The following MRTFA variants were observed in gnomAD, a reference collection of about 807,000 sequenced individuals.
MRTFA encodes the protein myocardin related transcription factor A.
MRTFA carries 20 observed loss-of-function variants against 83.5 expected under a neutral mutation model. The ratio of observed to expected loss-of-function variants is 0.24; its 90% CI spans 0.17 to 0.35. MRTFA has a LOEUF of 0.35. Among genes scored for constraint, MRTFA ranks in the 10% least tolerant of loss-of-function variants. The pLI, the probability that MRTFA is intolerant of heterozygous loss-of-function variation, is 1.00. For synonymous variants in MRTFA, 659 were observed against 541.2 expected, an observed-to-expected ratio of 1.22 and a Z score of -3.02; for missense variants, 1,200 against 1,224.7, an observed-to-expected ratio of 0.98 and a Z score of 0.30.
At chr22:40,478,617 A>G (rs1327229210) in intron 3 of MRTFA, among the ~76,000 whole-genome samples, 15 of 152,110 alleles carry the variant, frequency 9.9e-5, no homozygotes, top group Admixed American at 4.6e-4. Flanking sequence ...TCCATGTCCT[A>G]AATTTTCTTG....
At chr22:40,555,727 C>G (rs961044448) in intron 2 of MRTFA, among the ~76,000 whole-genome samples, 2 of 151,736 alleles carry the variant, frequency 1.3e-5, no homozygotes, top group Admixed American at 6.6e-5. Flanking sequence ...AGCTCCACCT[C>G]CTGCATTCAC....
chr22:40,628,899 G>A (rs1220772081), intron 1 of MRTFA, among the ~76,000 whole-genome samples: 1 of 152,116 alleles, frequency 6.6e-6, no homozygotes, highest in African/African-American at 2.4e-5. Context: ...TCCACCCAAT[G>A]CACCCTGACA....
chr22:40,581,691 CTA>C (rs1454869015), intron 2 of MRTFA, among the ~76,000 whole-genome samples: 52 of 152,150 alleles, frequency 3.4e-4, no homozygotes, highest in African/African-American at 1.2e-3. Flanking sequence ...GAGTCAGACA[CTA>C]TGGAATTTTA....
rs2052497986 is a variant in MRTFA at position 40,410,782 on chromosome 22, C to G, written c.*608G>C. ...GTTGCACCCATCTCCTGTCCGCCCC[C>G]CCCCAAAAATATATATGTATGTCGA... On this transcript the variant is annotated 3_prime_UTR_variant, in exon 15 of 15. Transcript: ENST00000355630. The G allele has an allele frequency of 4.3e-6, 1 of 232,860 alleles. No individual in the cohort carries two copies. The highest frequency in any genetic ancestry group is 6.0e-5 in the East Asian group (1 of 16,574). 14.4% of individuals were successfully genotyped at this position (232,860 alleles called of 1,614,324 possible).
chr22:40,602,105 G>T (rs1178269745), intron 1 of MRTFA, among the ~76,000 whole-genome samples: 1 of 152,124 alleles, frequency 6.6e-6, no homozygotes. Context: ...AAGCACCTAC[G>T]AAGAAGAACA....
intron 1 of MRTFA, among the ~76,000 whole-genome samples, chr22:40,611,412 T>A (rs1569351943): frequency 6.6e-6 from 1 of 151,792 alleles, no homozygotes; most frequent in Non-Finnish European, 1.5e-5. Context: ...CTTTTTTTTT[T>A]AATTAAATTT....
chr22:40,529,394 G>C (rs555676148), intron 3 of MRTFA, among the ~76,000 whole-genome samples: 1 of 152,024 alleles, frequency 6.6e-6, no homozygotes, highest in African/African-American at 2.4e-5. Flanking sequence ...TCGGCTCACC[G>C]CAACCTCCAC....
At chr22:40,574,487 T>G (rs1429684419) in intron 2 of MRTFA, among the ~76,000 whole-genome samples, 1 of 151,504 alleles carries the variant, frequency 6.6e-6, no homozygotes, top group Admixed American at 6.6e-5. Context: ...CAGGCTGGAG[T>G]GCAGTGGCGT....
At chr22:40,536,945 C>T (rs1249538013) in intron 3 of MRTFA, among the ~76,000 whole-genome samples, 10 of 92,856 alleles carry the variant, frequency 1.1e-4, no homozygotes, top group African/African-American at 4.1e-4. Context: ...CCTCTCCACC[C>T]GGCAGCCACC....
At chr22:40,496,471 T>C (rs370559730) in intron 3 of MRTFA, among the ~76,000 whole-genome samples, 496 of 147,278 alleles carry the variant, frequency 3.4e-3, no homozygotes, top group Admixed American at 0.026. Context: ...TTTTCTACAT[T>C]AAATAACTAC....
chr22:40,547,986 A>C (rs1173854194), intron 3 of MRTFA, among the ~76,000 whole-genome samples: 1 of 152,112 alleles, frequency 6.6e-6, no homozygotes, highest in Non-Finnish European at 1.5e-5. Flanking sequence ...GCAGTGTCTG[A>C]TTTCAGTTTT....
intron 1 of MRTFA, among the ~76,000 whole-genome samples, chr22:40,629,896 G>A (rs990807101): frequency 6.6e-6 from 1 of 151,936 alleles, no homozygotes; most frequent in African/African-American, 2.4e-5. Flanking sequence ...GTTGCAGTGA[G>A]CTATGATCCC....
At chr22:40,424,136 GGA>G (rs2052901894) in intron 8 of MRTFA, 68 bp downstream of exon 8, 6 of 1,459,144 alleles carry the variant, frequency 4.1e-6, no homozygotes, top group Non-Finnish European at 5.4e-6. Context: ...CCGTGGCCCA[GGA>G]GAGAGACCTT....
Position 40,421,127 on chromosome 22 carries a change from T to C in MRTFA, c.928-27A>G, listed in dbSNP as rs538713827. 1.2e-5 allele frequency: 18 copies of C among 1,507,040 alleles called. 1 individual carries two copies. The South Asian group carries it at 1.6e-4, about 14-fold the overall frequency. The allele number at this position is 1,507,040 out of a possible 1,614,324, so 93.4% of individuals were successfully genotyped here. On this transcript the variant is annotated intron_variant, in intron 9 of 14. Transcript: ENST00000355630. ...TGAGGGCACAGGAGACAGGGTGCCA[T>C]TCAGGGGCAGCCTCAGGCTTCTCGG...
chr22:40,526,198 G>C (rs1259538510), intron 3 of MRTFA: 1 of 151,972 alleles, frequency 6.6e-6, no homozygotes, highest in Non-Finnish European at 1.5e-5. Flanking sequence ...TGTTGTTGTT[G>C]TTGTTGTTGC....
At position 40,586,813 on chromosome 22, in the gene MRTFA, A is replaced by C. The variant is rs187963934; in HGVS notation, c.-22+7861T>G. The stretch of plus-strand genomic sequence containing the variant: ...GAGGTTTCTCCTGCTTAAAAACAAC[A>C]ACCTTCTTTCCTTTCTTCCCTACCA... On this transcript the variant is annotated intron_variant, in intron 2 of 14. Coordinates refer to ENST00000355630, the MANE Select transcript of MRTFA (RefSeq NM_020831.6). 2.5e-4 allele frequency: 97 copies of C among 381,526 alleles called. 1 individual carries two copies. Among genetic ancestry groups the C allele is most frequent in the Middle Eastern group, 1.7e-3 (2 of 1,158 alleles). The allele number at this position is 381,526 out of a possible 1,614,324, so 23.6% of individuals were successfully genotyped here.
intron 4 of MRTFA, among the ~76,000 whole-genome samples, chr22:40,459,689 C>G (rs2053661680): frequency 6.6e-6 from 1 of 151,066 alleles, no homozygotes; most frequent in Non-Finnish European, 1.5e-5. Flanking sequence ...CTCTCTCTCT[C>G]ATATACACAT....
At chr22:40,547,865 A>G (rs1569322730) in intron 3 of MRTFA, among the ~76,000 whole-genome samples, 1 of 151,616 alleles carries the variant, frequency 6.6e-6, no homozygotes, top group Non-Finnish European at 1.5e-5. Flanking sequence ...AAAAAAAAAA[A>G]AAAAAAGAAA....
At chr22:40,544,591 GAGA>G (rs919385994) in intron 3 of MRTFA, among the ~76,000 whole-genome samples, 24 of 152,156 alleles carry the variant, frequency 1.6e-4, no homozygotes, top group African/African-American at 5.8e-4. Flanking sequence ...CCCAAAGTGG[GAGA>G]AGATGTCTGC....
Sources: allele counts gnomAD v4.1 joint callset (sites outside exome capture counted in the v4.1 genomes callset), GRCh38; gene constraint gnomAD v4.1.1; transcripts MANE v1.5; gene names NCBI Gene and HGNC (gene_info 2026-07-23, HGNC 2026-07-21).